The following ZBTB7C variants were observed in gnomAD, a reference collection of about 807,000 sequenced individuals.
The protein encoded by ZBTB7C is zinc finger and BTB domain-containing protein 7C.
In ZBTB7C, 8 loss-of-function variants were observed where a neutral mutation model predicts 25.7. The ratio of observed to expected loss-of-function variants is 0.31; its 90% CI spans 0.18 to 0.56. ZBTB7C has a LOEUF of 0.56. ZBTB7C is among the 20% of genes least tolerant of loss of function. The pLI is 0.91. For missense variants in ZBTB7C, 824 were observed against 855.2 expected, an observed-to-expected ratio of 0.96 and a Z score of 0.46; for synonymous variants, 394 against 369.0, an observed-to-expected ratio of 1.07 and a Z score of -0.78.
intron 1 of ZBTB7C, among the ~76,000 whole-genome samples, chr18:48,346,038 T>C (rs1211933279): frequency 6.6e-6 from 1 of 152,212 alleles, no homozygotes; most frequent in Non-Finnish European, 1.5e-5. Flanking sequence ...CAACTGAACA[T>C]TGCCCCACTA....
At chr18:48,210,369 G>A (rs2042674918) in intron 2 of ZBTB7C, among the ~76,000 whole-genome samples, 1 of 152,176 alleles carries the variant, frequency 6.6e-6, no homozygotes, top group Non-Finnish European at 1.5e-5. Context: ...GAACTTCACA[G>A]CAGAATTATT....
intron 2 of ZBTB7C, among the ~76,000 whole-genome samples, chr18:48,310,767 CTG>C (rs1360716366): frequency 6.6e-6 from 1 of 152,172 alleles, no homozygotes; most frequent in Non-Finnish European, 1.5e-5. Context: ...TCTGGGGAGT[CTG>C]AGATGGGGGC....
chr18:48,397,640 C>T (rs1200417944), intron 1 of ZBTB7C, among the ~76,000 whole-genome samples: 6 of 152,184 alleles, frequency 3.9e-5, no homozygotes, highest in African/African-American at 1.4e-4. Context: ...CATTTCTCAT[C>T]CTCCTACCAG....
intron 3 of ZBTB7C, among the ~76,000 whole-genome samples, chr18:48,143,214 T>G (rs1474853517): frequency 6.6e-6 from 1 of 152,108 alleles, no homozygotes; most frequent in Non-Finnish European, 1.5e-5. Flanking sequence ...GGAGGTGACT[T>G]GCCTGAGGTC....
chr18:48,384,014 C>T (rs935780000), intron 1 of ZBTB7C, among the ~76,000 whole-genome samples: 2 of 152,176 alleles, frequency 1.3e-5, no homozygotes, highest in African/African-American at 4.8e-5. Context: ...TTGTGCATTG[C>T]CTCATGTGAA....
At chr18:48,216,316 G>C (rs2042821912) in intron 2 of ZBTB7C, among the ~76,000 whole-genome samples, 1 of 152,170 alleles carries the variant, frequency 6.6e-6, no homozygotes, top group Non-Finnish European at 1.5e-5. Flanking sequence ...GTGTGGACTT[G>C]CTGGGCATCA....
chr18:48,161,391 G>T (rs1686938615), intron 3 of ZBTB7C, among the ~76,000 whole-genome samples: 1 of 152,062 alleles, frequency 6.6e-6, no homozygotes, highest in Non-Finnish European at 1.5e-5. Flanking sequence ...TCAGGAGACA[G>T]GGTGGGGCCG....
At chr18:48,088,007 G>C (rs1308357329) in intron 3 of ZBTB7C, among the ~76,000 whole-genome samples, 1 of 152,070 alleles carries the variant, frequency 6.6e-6, no homozygotes, top group Non-Finnish European at 1.5e-5. Context: ...AAGTACACAA[G>C]TGTATGTGAT....
intron 2 of ZBTB7C, among the ~76,000 whole-genome samples, chr18:48,251,809 C>T (rs1476057067): frequency 2.0e-5 from 3 of 152,234 alleles, no homozygotes; most frequent in African/African-American, 7.2e-5. Flanking sequence ...CTCAAGCTCA[C>T]CTATAAAACC....
At chr18:48,143,931 C>T (rs184527116) in intron 3 of ZBTB7C, among the ~76,000 whole-genome samples, 240 of 152,282 alleles carry the variant, frequency 1.6e-3, no homozygotes, top group African/African-American at 5.4e-3. Context: ...GCAGTCCGGC[C>T]CAACTCTGAA....
At chr18:48,227,027 A>G (rs531749357) in intron 2 of ZBTB7C, among the ~76,000 whole-genome samples, 1 of 150,038 alleles carries the variant, frequency 6.7e-6, no homozygotes, top group Non-Finnish European at 1.5e-5. Context: ...CTCAAAAAAA[A>G]AAAAAAAAAA....
At chr18:48,059,510 TCTCAAA>T (rs2037045838) in intron 3 of ZBTB7C, among the ~76,000 whole-genome samples, 1 of 152,020 alleles carries the variant, frequency 6.6e-6, no homozygotes, top group African/African-American at 2.4e-5. Flanking sequence ...ATGCCAGCAT[TCTCAAA>T]TGTCCCATGG....
At chr18:48,219,431 C>T (rs925709968) in intron 2 of ZBTB7C, among the ~76,000 whole-genome samples, 33 of 152,216 alleles carry the variant, frequency 2.2e-4, no homozygotes, top group Admixed American at 6.5e-5. Flanking sequence ...TCATTTACTC[C>T]CTACTGTATC....
intron 2 of ZBTB7C, among the ~76,000 whole-genome samples, chr18:48,195,839 C>T (rs1431714667): frequency 6.6e-6 from 1 of 152,170 alleles, no homozygotes; most frequent in Non-Finnish European, 1.5e-5. Flanking sequence ...CTTTCCAAAG[C>T]TTCAACTTAG....
chr18:48,240,378 C>T (rs1253385536), intron 2 of ZBTB7C, among the ~76,000 whole-genome samples: 3 of 152,118 alleles, frequency 2.0e-5, no homozygotes, highest in East Asian at 3.8e-4. Context: ...AAGATCATGA[C>T]CTAGGCACAT....
chr18:48,194,212 T>A (rs1285561629), intron 2 of ZBTB7C, among the ~76,000 whole-genome samples: 1 of 152,304 alleles, frequency 6.6e-6, no homozygotes. Context: ...GTCACGTACA[T>A]TTTATTTTTT....
In ZBTB7C at chr18:48,091,106, C is replaced by T. The variant is rs982711695; in HGVS notation, c.-16-49983G>A. Among the ~76,000 whole-genome samples the T allele has an allele frequency of 3.3e-5, 5 of 151,572 alleles. No individual in the cohort carries two copies. The South Asian group carries it at 1.0e-3, about 32-fold the overall frequency. On this transcript the variant is annotated intron_variant, in intron 3 of 4. Coordinates refer to ENST00000590800, the MANE Select transcript of ZBTB7C (RefSeq NM_001318841.2). Reference sequence around the variant, plus strand: ...TTTTTTTTTAAAAGACAGGGTCTCGCTCTGTCACCCAGGCTGGAGTACAGT... The same window carrying T: ...TTTTTTTTTAAAAGACAGGGTCTCGTTCTGTCACCCAGGCTGGAGTACAGT...
intron 3 of ZBTB7C, among the ~76,000 whole-genome samples, chr18:48,073,822 G>C (rs762914637): frequency 1.3e-5 from 2 of 152,006 alleles, no homozygotes; most frequent in African/African-American, 4.8e-5. Flanking sequence ...CTTGCTCCCC[G>C]AGTTTCTGCA....
intron 4 of ZBTB7C, among the ~76,000 whole-genome samples, chr18:48,037,255 C>A (rs1432956001): frequency 6.6e-6 from 1 of 152,252 alleles, no homozygotes; most frequent in Admixed American, 6.5e-5. Flanking sequence ...GGCCTGGGGC[C>A]AGATGGCCGT....
Sources: gnomAD v4.1 joint callset for allele counts (sites outside exome capture counted in the v4.1 genomes callset) on GRCh38, gnomAD v4.1.1 for gene constraint, MANE v1.5 for transcripts, NCBI Gene and HGNC (gene_info 2026-07-23, HGNC 2026-07-21) for gene names.